MED12L: variants seen among roughly 807,000 people sequenced by gnomAD.
MED12L encodes the protein mediator complex subunit 12L, also known as mediator of RNA polymerase II transcription subunit 12-like protein.
Under a neutral mutation model 281.3 loss-of-function variants are expected in MED12L, and 60 were observed. The observed-to-expected ratio is 0.21, with a 90% confidence interval of 0.17 to 0.26. The LOEUF (loss-of-function observed/expected upper bound fraction) is 0.26, where lower values mean the gene tolerates loss of function less well. Ranked by LOEUF, MED12L falls within the 10% of genes least tolerant of loss-of-function variation. The probability of loss-of-function intolerance (pLI) is 1.00; values close to 1 mark genes in which losing one functional copy is unlikely to be tolerated. For missense variants in MED12L, 2,146 were observed against 2,680.9 expected (o/e 0.80, Z 4.41); for synonymous variants, 974 against 987.2 (o/e 0.99, Z 0.25).
intron 5 of MED12L, among the ~76,000 whole-genome samples, chr3:151,146,192 C>T (rs547071670): frequency 3.3e-5 from 5 of 152,290 alleles, no homozygotes; most frequent in Admixed American, 2.6e-4. Flanking sequence ...TGAACCAGCA[C>T]CCTCTGGTGA....
At chr3:151,361,427 T>C (rs1053619663) in intron 21 of MED12L, among the ~76,000 whole-genome samples, 1 of 69,210 alleles carries the variant, frequency 1.4e-5, no homozygotes, top group Non-Finnish European at 2.6e-5. Flanking sequence ...TGTTTCCTGG[T>C]ATGAAAAAAA....
chr3:151,330,596 C>G (rs576798542), intron 16 of MED12L, among the ~76,000 whole-genome samples: 1 of 152,166 alleles, frequency 6.6e-6, no homozygotes, highest in East Asian at 1.9e-4. Flanking sequence ...TTTCTTGCCA[C>G]AAGTGTTACC....
chr3:151,348,975 C>T (rs1021984571), intron 16 of MED12L, among the ~76,000 whole-genome samples: 1 of 152,218 alleles, frequency 6.6e-6, no homozygotes, highest in African/African-American at 2.4e-5. Context: ...CTCATATAAG[C>T]TCCTTAGGAT....
chr3:151,116,594 C>T, intron 3 of MED12L, 152 bp downstream of exon 3: 1 of 582,954 alleles, frequency 1.7e-6, no homozygotes. Flanking sequence ...CCCCAGGATC[C>T]AATCAGGGAT....
At chr3:151,296,449 G>C (rs576677800) in intron 16 of MED12L, among the ~76,000 whole-genome samples, 2 of 152,176 alleles carry the variant, frequency 1.3e-5, no homozygotes, top group African/African-American at 2.4e-5. Flanking sequence ...ATTGAGCATG[G>C]CAGGGACACC....
At chr3:151,118,343 T>C (rs773260215) in intron 3 of MED12L, among the ~76,000 whole-genome samples, 7 of 152,176 alleles carry the variant, frequency 4.6e-5, no homozygotes, top group Non-Finnish European at 1.0e-4. Context: ...ATATAAATAA[T>C]TGACAATTTG....
intron 2 of MED12L, among the ~76,000 whole-genome samples, chr3:151,113,529 G>T (rs953043596): frequency 1.1e-4 from 16 of 152,222 alleles, no homozygotes; most frequent in African/African-American, 3.9e-4. Flanking sequence ...CCTTCAGGGG[G>T]CAAGGGGAGA....
At chr3:151,290,730 G>GA (rs1457351920) in intron 16 of MED12L, among the ~76,000 whole-genome samples, 8 of 151,770 alleles carry the variant, frequency 5.3e-5, no homozygotes, top group Non-Finnish European at 1.2e-4. Flanking sequence ...GCAGCTGCAG[G>GA]ATACACATTT....
intron 16 of MED12L, chr3:151,249,039 A>G (rs1302668895): frequency 6.6e-6 from 1 of 152,212 alleles, no homozygotes; most frequent in African/African-American, 2.4e-5. Flanking sequence ...TGAAATATTG[A>G]CATCTCGCCA....
At chr3:151,346,651 T>C (rs1021494123) in intron 16 of MED12L, among the ~76,000 whole-genome samples, 9 of 152,154 alleles carry the variant, frequency 5.9e-5, no homozygotes, top group South Asian at 4.1e-4. Flanking sequence ...TTATAGTATC[T>C]TGTTAATTAA....
chr3:151,086,846 G>A lies in MED12L; in HGVS notation c.-81G>A. The A allele has an allele frequency of 2.7e-6, 3 of 1,129,484 alleles. No homozygotes were observed. Among genetic ancestry groups the A allele is most frequent in the Non-Finnish European group, 3.8e-6 (3 of 795,138 alleles). The allele number at this position is 1,129,484 out of a possible 1,614,324, so 70.0% of individuals were successfully genotyped here. On this transcript the variant is annotated 5_prime_UTR_variant, in exon 2 of 45. Transcript: ENST00000687756. ...GGAGGGGGAGAGAGGGAGTCTGTCT[G>A]CAAAGTGCTGCTCCCTGGTGCTCAG...
At position 151,360,543 on chromosome 3, in the gene MED12L, C is replaced by T. The variant is rs771256751; in HGVS notation, c.2895C>T (p.Ala965=). 2 of 1,612,912 alleles carry T rather than the reference C, an allele frequency of 1.2e-6. No individual in the cohort carries two copies. The highest frequency in any genetic ancestry group is 2.2e-5 in the East Asian group (1 of 44,836). The change falls in exon 21 of 45, where the codon GCC becomes GCT. Residue 965 remains alanine (A), a synonymous_variant. Transcript: ENST00000687756. The part of the protein sequence containing the change: ...ECSSPERCIL[A]YLYDLYVSCS... Reference sequence around the variant, plus strand: ...CTTCCCCTGAAAGATGCATTTTAGCCTACCTCTATGATCTCTATGTGTCAT... The same window carrying T: ...CTTCCCCTGAAAGATGCATTTTAGCTTACCTCTATGATCTCTATGTGTCAT...
chr3:151,348,998 G>C (rs1440359085), intron 16 of MED12L, among the ~76,000 whole-genome samples: 1 of 152,254 alleles, frequency 6.6e-6, no homozygotes, highest in East Asian at 1.9e-4. Flanking sequence ...GATGGATGCT[G>C]TTGGGAAGGG....
rs150740988 is a variant in MED12L at position 151,318,595 on chromosome 3, A to C, written c.2251-31464A>C. ...AAGCATCTCTTATGGCCCCCATAAA[A>C]GTATGTTGTGCAAAGAACTTTGCTG... On this transcript the variant is annotated intron_variant, in intron 16 of 44. Transcript: ENST00000687756. Among the ~76,000 whole-genome samples, 483 of 152,324 alleles carry C rather than the reference A, an allele frequency of 3.2e-3. 1 individual carries two copies. The highest frequency in any genetic ancestry group is 0.011 in the African/African-American group (448 of 41,580).
intron 16 of MED12L, among the ~76,000 whole-genome samples, chr3:151,279,429 C>T (rs1742443370): frequency 6.6e-6 from 1 of 152,204 alleles, no homozygotes; most frequent in African/African-American, 2.4e-5. Context: ...CATACCCAAA[C>T]AGTTATTTCC....
chr3:151,379,986 C>T, intron 31 of MED12L, 127 bp from the exon 32 acceptor site: 1 of 552,686 alleles, frequency 1.8e-6, no homozygotes, highest in Non-Finnish European at 3.1e-6. Context: ...TTTAAATTTT[C>T]AAGCAGTCTT....
chr3:151,329,458 T>C lies in MED12L; in HGVS notation c.2251-20601T>C, dbSNP rs1750102219. On this transcript the variant is annotated intron_variant, in intron 16 of 44. Transcript: ENST00000687756. ...TCTTTTATATAAGCAAGCACACTCA[T>C]AATAACAAAAATTGAAATTCACCTT... The C allele has an allele frequency of 2.7e-6, 4 of 1,493,670 alleles. No individual in the cohort carries two copies. In the South Asian group the frequency reaches 3.7e-5, roughly 14 times the overall value. 92.5% of individuals were successfully genotyped at this position (1,493,670 alleles called of 1,614,324 possible). A position where few individuals can be genotyped will look rare whatever the true frequency, so the allele number is the denominator to read the frequency against.
Position 151,367,946 on chromosome 3 carries a change from G to A in MED12L, c.3448+180G>A, listed in dbSNP as rs539346826. On this transcript the variant is annotated intron_variant, in intron 24 of 44. Transcript: ENST00000687756. ...TTTATACAAATTAACATGTATCACC[G>A]TGAAAAAGGTGGGAAACTGCTATGT... 3.3e-5 allele frequency among the ~76,000 whole-genome samples: 5 copies of A among 152,224 alleles called. No homozygotes were observed. In the South Asian group the frequency reaches 8.3e-4, roughly 25 times the overall value.
At chr3:151,152,085 G>GCTTTTTT (rs1269821388) in intron 5 of MED12L, among the ~76,000 whole-genome samples, 2 of 62,984 alleles carry the variant, frequency 3.2e-5, no homozygotes, top group African/African-American at 1.3e-4. Flanking sequence ...GTTGAAGGTG[G>GCTTTTTT]TTTTTTTTTT....
Sources: gnomAD v4.1 joint callset for allele counts (sites outside exome capture counted in the v4.1 genomes callset) on GRCh38, gnomAD v4.1.1 for gene constraint, MANE v1.5 for transcripts, NCBI Gene and HGNC (gene_info 2026-07-23, HGNC 2026-07-21) for gene names.